The following CRACD variants were observed in gnomAD, a reference collection of about 807,000 sequenced individuals.
CRACD encodes the protein capping protein inhibiting regulator of actin dynamics.
A neutral mutation model predicts 106.8 loss-of-function variants in CRACD; 56 were observed. The ratio of observed to expected loss-of-function variants is 0.52; its 90% CI spans 0.42 to 0.66. CRACD has a LOEUF of 0.66. CRACD is among the 30% of genes least tolerant of loss of function. The pLI, the probability that CRACD is intolerant of heterozygous loss-of-function variation, is 0.00. For missense variants in CRACD, 1,730 were observed against 1,623.2 expected (o/e 1.07, Z -1.13); for synonymous variants, 754 against 670.8 (o/e 1.12, Z -1.92).
At chr4:56,084,051 G>C (rs1733132824) in intron 1 of CRACD, among the ~76,000 whole-genome samples, 1 of 152,140 alleles carries the variant, frequency 6.6e-6, no homozygotes, top group Admixed American at 6.6e-5. Flanking sequence ...GAGGTATGAG[G>C]AGCAAGGTTT....
chr4:56,309,189 G>A (rs539389410), intron 5 of CRACD: 151 of 356,314 alleles, frequency 4.2e-4, no homozygotes, highest in Non-Finnish European at 7.7e-4. Flanking sequence ...GGGGAGGGTA[G>A]AGAGAGGTGC....
At chr4:56,117,365 G>A (rs1218318383) in intron 1 of CRACD, among the ~76,000 whole-genome samples, 2 of 152,046 alleles carry the variant, frequency 1.3e-5, no homozygotes, top group Admixed American at 6.6e-5. Context: ...TGAAACTTGA[G>A]GATATTATGC....
At chr4:56,132,271 G>A (rs1482014222) in intron 1 of CRACD, among the ~76,000 whole-genome samples, 6 of 152,014 alleles carry the variant, frequency 3.9e-5, no homozygotes, top group Non-Finnish European at 1.5e-5. Context: ...AACTTCTGGG[G>A]TCAAGCGACC....
chr4:56,215,563 A>G (rs1276655834), intron 2 of CRACD, among the ~76,000 whole-genome samples: 1 of 152,154 alleles, frequency 6.6e-6, no homozygotes, highest in Non-Finnish European at 1.5e-5. Flanking sequence ...TTGTCTCTTC[A>G]ACTGGACTAT....
chr4:56,133,638 A>G (rs1734896635), intron 1 of CRACD, among the ~76,000 whole-genome samples: 1 of 152,252 alleles, frequency 6.6e-6, no homozygotes, highest in Non-Finnish European at 1.5e-5. Context: ...TACAATCTGC[A>G]TGAAAACAAA....
At chr4:56,223,708 T>C (rs1040607426) in intron 2 of CRACD, among the ~76,000 whole-genome samples, 4 of 152,222 alleles carry the variant, frequency 2.6e-5, no homozygotes, top group Non-Finnish European at 5.9e-5. Flanking sequence ...TTCCATTGAT[T>C]TACCTGTCTA....
chr4:56,107,196 C>G (rs1207404268), intron 1 of CRACD, among the ~76,000 whole-genome samples: 1 of 151,956 alleles, frequency 6.6e-6, no homozygotes, highest in Non-Finnish European at 1.5e-5. Flanking sequence ...ACCCGGGGTG[C>G]TCTTTAACTC....
chr4:56,087,381 A>G (rs1031061306), intron 1 of CRACD, among the ~76,000 whole-genome samples: 5 of 152,154 alleles, frequency 3.3e-5, no homozygotes, highest in Non-Finnish European at 7.4e-5. Context: ...TCCTAACTCA[A>G]TGACTTTGTT....
Position 56,187,443 on chromosome 4 carries a change from G to A in CRACD, c.-189+8013G>A, listed in dbSNP as rs1001616332. Among the ~76,000 whole-genome samples the A allele has an allele frequency of 3.9e-5, 6 of 152,094 alleles. No individual in the cohort carries two copies. The East Asian group carries it at 5.8e-4, about 15-fold the overall frequency. ...GCCCTTGGATCCTCTAAATCCTGTC[G>A]TTTCTTTCATTTATGTAACTTTAGA... On this transcript the variant is annotated intron_variant, in intron 2 of 10. Coordinates refer to ENST00000682029, the MANE Select transcript of CRACD (RefSeq NM_001393381.1).
chr4:56,242,528 C>T (rs944632033), intron 2 of CRACD, among the ~76,000 whole-genome samples: 78 of 152,156 alleles, frequency 5.1e-4, no homozygotes, highest in African/African-American at 1.8e-3. Context: ...GAAGACTGAA[C>T]AGTGGTGCAG....
chr4:56,238,852 T>C (rs1278157250), intron 2 of CRACD, among the ~76,000 whole-genome samples: 1 of 152,242 alleles, frequency 6.6e-6, no homozygotes, highest in Non-Finnish European at 1.5e-5. Flanking sequence ...TTGATTTCTT[T>C]TGTGAGCTGC....
chr4:56,172,683 G>A (rs1736422601), intron 1 of CRACD, among the ~76,000 whole-genome samples: 1 of 151,910 alleles, frequency 6.6e-6, no homozygotes, highest in East Asian at 1.9e-4. Context: ...GAGTGCAGTG[G>A]CGTGATCTCG....
chr4:56,323,445 C>G lies in CRACD; in HGVS notation c.3256C>G (p.Gln1086Glu). 6.2e-7 allele frequency: 1 copy of G among 1,611,874 alleles called. No homozygotes were observed. Among genetic ancestry groups the G allele is most frequent in the Non-Finnish European group, 8.5e-7 (1 of 1,179,382 alleles). The stretch of plus-strand genomic sequence containing the variant: ...ACTTACAGAGAAAGTGGAAACTGCT[C>G]AGCCGCTGTGGATAACGTTAGCACT... ...SKLTEKVETA[Q>E]PLWITLALQK... Residue 1086 changes from glutamine (Q) to glutamate (E), a missense_variant, in exon 9 of 11, where the codon CAG becomes GAG. Gln to Glu is a conservative substitution (Grantham distance 29). Coordinates refer to ENST00000682029, the MANE Select transcript of CRACD (RefSeq NM_001393381.1).
chr4:56,149,377 G>A (rs1735508003), intron 1 of CRACD, among the ~76,000 whole-genome samples: 2 of 152,166 alleles, frequency 1.3e-5, no homozygotes, highest in South Asian at 2.1e-4. Context: ...AGCCTTTCAT[G>A]AAGAAAGATA....
intron 1 of CRACD, among the ~76,000 whole-genome samples, chr4:56,075,110 G>A (rs563235376): frequency 7.2e-5 from 11 of 152,208 alleles, no homozygotes; most frequent in South Asian, 6.2e-4. Flanking sequence ...GAGGATTTTC[G>A]CATTGATGTT....
At chr4:56,237,761 CAA>C (rs1206392755) in intron 2 of CRACD, among the ~76,000 whole-genome samples, 3 of 137,022 alleles carry the variant, frequency 2.2e-5, no homozygotes, top group African/African-American at 2.7e-5. Flanking sequence ...CACACACACA[CAA>C]ACACATACAC....
intron 2 of CRACD, among the ~76,000 whole-genome samples, chr4:56,217,788 C>A (rs991944749): frequency 7.2e-5 from 11 of 152,200 alleles, no homozygotes; most frequent in African/African-American, 2.4e-4. Flanking sequence ...ATTAGTTTTT[C>A]AGATTAACTT....
At chr4:56,252,159 C>T (rs1256331343) in intron 2 of CRACD, among the ~76,000 whole-genome samples, 9 of 152,304 alleles carry the variant, frequency 5.9e-5, no homozygotes, top group African/African-American at 2.2e-4. Context: ...ATTTGAAGAA[C>T]ACCGGCCTTA....
intron 1 of CRACD, chr4:56,049,884 C>T (rs1175959487): frequency 6.6e-6 from 1 of 152,258 alleles, no homozygotes; most frequent in Non-Finnish European, 1.5e-5. Flanking sequence ...TGCGCGCTGC[C>T]CGTGGTGTAA....
Sources: gnomAD v4.1 joint callset for allele counts (sites outside exome capture counted in the v4.1 genomes callset) on GRCh38, gnomAD v4.1.1 for gene constraint, MANE v1.5 for transcripts, NCBI Gene and HGNC (gene_info 2026-07-23, HGNC 2026-07-21) for gene names.